The following ZNRF2 variants were observed in gnomAD, a reference collection of about 807,000 sequenced individuals.
ZNRF2 encodes the protein E3 ubiquitin-protein ligase ZNRF2.
Under a neutral mutation model 20.4 loss-of-function variants are expected in ZNRF2, and 16 were observed. The observed-to-expected ratio is 0.79, with a 90% CI of 0.53 to 1.19. The LOEUF is 1.19. Among genes scored for constraint, ZNRF2 ranks in the 50% most tolerant of loss-of-function variants. The pLI, the probability that ZNRF2 is intolerant of heterozygous loss-of-function variation, is 0.00. For synonymous variants in ZNRF2, 178 were observed against 144.9 expected (o/e 1.23, Z -1.64); for missense variants, 363 against 332.4 (o/e 1.09, Z -0.72).
chr7:30,285,653 C>T lies in ZNRF2; in HGVS notation c.296C>T (p.Ser99Phe), dbSNP rs1412653577. Reference sequence around the variant, plus strand: ...GCGTCGGGGGCCCGCGCGGCGCAGTCCCCCTTCAGCATCCCGAACAGCAGC... The same window carrying T: ...GCGTCGGGGGCCCGCGCGGCGCAGTTCCCCTTCAGCATCCCGAACAGCAGC... ...SVASGARAAQ[S>F]PFSIPNSSSG... The change falls in exon 1 of 5, where the codon TCC (serine) becomes TTC (phenylalanine). Residue 99 changes from serine (S) to phenylalanine (F), a missense_variant. This residue lies in a region of ZNRF2 where 302 missense variants were observed against 231.5 expected (regional missense o/e 1.30). Transcript: ENST00000323037. The T allele has an allele frequency of 1.0e-5, 14 of 1,373,628 alleles. No homozygotes were observed. Among genetic ancestry groups the T allele is most frequent in the African/African-American group, 1.5e-5 (1 of 65,198 alleles). 85.1% of individuals were successfully genotyped at this position (1,373,628 alleles called of 1,614,324 possible).
chr7:30,292,489 A>G (rs538200938), intron 1 of ZNRF2, among the ~76,000 whole-genome samples: 111 of 152,228 alleles, frequency 7.3e-4, no homozygotes, highest in Non-Finnish European at 1.1e-3. Context: ...TTATTATTCT[A>G]TTTGGGAGAG....
chr7:30,290,649 G>C (rs1297126848), intron 1 of ZNRF2, among the ~76,000 whole-genome samples: 1 of 152,198 alleles, frequency 6.6e-6, no homozygotes, highest in Non-Finnish European at 1.5e-5. Context: ...GCAAGTCATA[G>C]GTCCAGTTCA....
At chr7:30,336,464 T>A (rs1334388533) in intron 2 of ZNRF2, among the ~76,000 whole-genome samples, 1 of 152,174 alleles carries the variant, frequency 6.6e-6, no homozygotes, top group Admixed American at 6.5e-5. Flanking sequence ...TCTTAATATT[T>A]TAAGTATTTT....
At chr7:30,353,185 A>G (rs1799984888) in intron 2 of ZNRF2, among the ~76,000 whole-genome samples, 1 of 152,126 alleles carries the variant, frequency 6.6e-6, no homozygotes, top group Non-Finnish European at 1.5e-5. Flanking sequence ...GTCAGAGTGA[A>G]CTATCTTCTA....
intron 2 of ZNRF2, among the ~76,000 whole-genome samples, chr7:30,349,242 T>C (rs1369032500): frequency 6.6e-6 from 1 of 152,216 alleles, no homozygotes; most frequent in Admixed American, 6.5e-5. Flanking sequence ...AAAATGAGGC[T>C]CAAAGAGGTT....
At chr7:30,339,995 C>A (rs756146625) in intron 2 of ZNRF2, among the ~76,000 whole-genome samples, 14 of 151,984 alleles carry the variant, frequency 9.2e-5, no homozygotes, top group Non-Finnish European at 1.8e-4. Flanking sequence ...AAGTTGTATT[C>A]CTAGGTATTT....
intron 1 of ZNRF2, among the ~76,000 whole-genome samples, chr7:30,297,944 A>G (rs1340752938): frequency 6.6e-6 from 1 of 151,974 alleles, no homozygotes; most frequent in East Asian, 1.9e-4. Context: ...AGCTTACTGC[A>G]GCCTTGAACT....
At chr7:30,312,868 T>C (rs1481330444) in intron 1 of ZNRF2, among the ~76,000 whole-genome samples, 1 of 152,192 alleles carries the variant, frequency 6.6e-6, no homozygotes, top group South Asian at 2.1e-4. Flanking sequence ...TGTTTATATT[T>C]TAAAGAGGTA....
chr7:30,362,240 A>G (rs1276028135), intron 3 of ZNRF2, 137 bp from the exon 4 acceptor site: 2 of 502,290 alleles, frequency 4.0e-6, no homozygotes, highest in East Asian at 3.1e-5. Context: ...TCTGTTGCTT[A>G]TGTATGCCAA....
In ZNRF2 at chr7:30,301,693, C is replaced by CT. The variant is rs1196745011; in HGVS notation, c.469+15874dup. On this transcript the variant is annotated intron_variant, in intron 1 of 4. Coordinates refer to ENST00000323037, the MANE Select transcript of ZNRF2 (RefSeq NM_147128.4). ...CAAAATGGACTACAGGATAATGAGGCTTTTTTTAAAAAAAAAAAAAAAAAA... is the reference window on the plus strand; with the variant it reads ...CAAAATGGACTACAGGATAATGAGGCTTTTTTTTAAAAAAAAAAAAAAAAAA... Among the ~76,000 whole-genome samples, 76 of 116,404 alleles carry CT rather than the reference C, an allele frequency of 6.5e-4. 1 individual carries two copies. Among genetic ancestry groups the CT allele is most frequent in the South Asian group, 2.0e-3 (8 of 3,920 alleles). The allele number at this position is 116,404 out of a possible 152,430, so 76.4% of individuals were successfully genotyped here.
intron 2 of ZNRF2, among the ~76,000 whole-genome samples, chr7:30,345,654 G>A (rs571278247): frequency 6.6e-6 from 1 of 151,464 alleles, no homozygotes; most frequent in South Asian, 2.1e-4. Flanking sequence ...TGTTCTTTTA[G>A]TGGTTACCTT....
intron 1 of ZNRF2, among the ~76,000 whole-genome samples, chr7:30,316,420 A>T (rs912220567): frequency 6.7e-6 from 1 of 150,054 alleles, no homozygotes; most frequent in Non-Finnish European, 1.5e-5. Context: ...AATGTCTGTT[A>T]TACAAATTGT....
At chr7:30,344,594 A>G (rs561604461) in intron 2 of ZNRF2, among the ~76,000 whole-genome samples, 1 of 151,824 alleles carries the variant, frequency 6.6e-6, no homozygotes, top group Admixed American at 6.6e-5. Context: ...ACCTCTTTTA[A>G]TTTTTGCTAG....
chr7:30,319,550 A>T (rs909715604), intron 1 of ZNRF2, among the ~76,000 whole-genome samples: 1 of 152,150 alleles, frequency 6.6e-6, no homozygotes, highest in African/African-American at 2.4e-5. Context: ...ACTATTAAGG[A>T]TAATAAGGAG....
At chr7:30,333,984 G>T (rs1009472761) in intron 2 of ZNRF2, among the ~76,000 whole-genome samples, 3 of 152,094 alleles carry the variant, frequency 2.0e-5, no homozygotes, top group African/African-American at 7.2e-5. Context: ...CTGTGAAGAA[G>T]CTCTTCAGTT....
chr7:30,300,172 C>T (rs1309322280), intron 1 of ZNRF2, among the ~76,000 whole-genome samples: 6 of 121,116 alleles, frequency 5.0e-5, no homozygotes, highest in African/African-American at 9.6e-5. Flanking sequence ...TTTTTTGAGA[C>T]GGAGTCTTAC....
intron 2 of ZNRF2, among the ~76,000 whole-genome samples, chr7:30,352,802 C>G (rs1799978692): frequency 6.6e-6 from 1 of 152,024 alleles, no homozygotes; most frequent in Non-Finnish European, 1.5e-5. Flanking sequence ...TTCAACTGAT[C>G]TTTAGATTTT....
At chr7:30,305,927 A>C (rs1799192844) in intron 1 of ZNRF2, among the ~76,000 whole-genome samples, 1 of 152,144 alleles carries the variant, frequency 6.6e-6, no homozygotes, top group Non-Finnish European at 1.5e-5. Context: ...CATTGAAAAC[A>C]TTATTCTGGG....
At chr7:30,346,147 T>G (rs1019296607) in intron 2 of ZNRF2, among the ~76,000 whole-genome samples, 5 of 137,918 alleles carry the variant, frequency 3.6e-5, no homozygotes, top group Admixed American at 7.1e-5. Context: ...AATTTCAGTG[T>G]TTTTTTTTTT....
Sources: allele counts gnomAD v4.1 joint callset (sites outside exome capture counted in the v4.1 genomes callset), GRCh38; gene constraint gnomAD v4.1.1; regional missense constraint gnomAD v4.1.1; transcripts MANE v1.5; gene names NCBI Gene and HGNC (gene_info 2026-07-23, HGNC 2026-07-21).